Variants in DMD observed in about 807,000 individuals in gnomAD.
DMD encodes the protein dystrophin.
DMD carries 63 observed loss-of-function variants against 330.1 expected under a neutral mutation model. The ratio of observed to expected loss-of-function variants is 0.19; its 90% CI spans 0.16 to 0.24. The LOEUF (loss-of-function observed/expected upper bound fraction) is 0.24. DMD is among the 10% of genes least tolerant of loss of function. The probability of loss-of-function intolerance (pLI) is 1.00; values close to 1 mark genes in which losing one functional copy is unlikely to be tolerated. For synonymous variants in DMD, 1,223 were observed against 959.8 expected (o/e 1.27, Z -5.07); for missense variants, 3,344 against 2,684.1 (o/e 1.25, Z -5.43).
intron 11 of DMD, among the ~76,000 whole-genome samples, chrX:32,634,677 G>A (rs1303560933): frequency 1.8e-5 from 2 of 111,749 alleles, no homozygotes; most frequent in African/African-American, 3.3e-5. Context: ...TCTGCCTGGT[G>A]CCCTATCCTA....
chrX:32,711,136 G>A (rs182796520), intron 7 of DMD, among the ~76,000 whole-genome samples: 447 of 111,478 alleles, frequency 4.0e-3, no homozygotes, highest in Middle Eastern at 0.028. Flanking sequence ...TTGTCCATTT[G>A]CAATTTTAAA....
At chrX:31,457,424 G>A (rs768986229) in intron 59 of DMD, among the ~76,000 whole-genome samples, 13 of 111,673 alleles carry the variant, frequency 1.2e-4, no homozygotes, top group East Asian at 2.8e-4. Context: ...GAAATACAGC[G>A]TAAGATAGAC....
At chrX:33,250,111 A>ATATATATATATATATC (rs2052747894) in intron 1 of DMD, among the ~76,000 whole-genome samples, 1 of 87,358 alleles carries the variant, frequency 1.1e-5, no homozygotes, top group African/African-American at 5.1e-5. Context: ...ATATATATAT[A>ATATATATATATATATC]TCAATGTACA....
At chrX:32,664,212 A>T (rs2061135615) in intron 9 of DMD, among the ~76,000 whole-genome samples, 1 of 105,760 alleles carries the variant, frequency 9.5e-6, no homozygotes, top group Non-Finnish European at 1.9e-5. Context: ...CTGGATATAT[A>T]CCTGGTTAAG....
At chrX:31,659,507 T>C (rs1023214246) in intron 53 of DMD, among the ~76,000 whole-genome samples, 9 of 107,535 alleles carry the variant, frequency 8.4e-5, no homozygotes, top group African/African-American at 3.1e-4. Context: ...GGTGTGCTGG[T>C]AGGCTCCTGT....
At chrX:33,006,180 C>T (rs1289601231) in intron 2 of DMD, among the ~76,000 whole-genome samples, 1 of 111,568 alleles carries the variant, frequency 9.0e-6, no homozygotes, top group Admixed American at 9.6e-5. Context: ...TCAAGTTGAT[C>T]TACAGATTTA....
intron 55 of DMD, among the ~76,000 whole-genome samples, chrX:31,609,806 G>A (rs889621961): frequency 3.6e-5 from 4 of 111,153 alleles, no homozygotes; most frequent in African/African-American, 1.3e-4. Context: ...ACTCTCACAT[G>A]GTAGGTCGAT....
intron 1 of DMD, among the ~76,000 whole-genome samples, chrX:33,062,244 T>C (rs1603183069): frequency 1.8e-5 from 2 of 111,756 alleles, no homozygotes; most frequent in Admixed American, 1.9e-4. Context: ...TGGGAGTCTG[T>C]TTTTCAAGAT....
At chrX:33,001,288 C>G (rs562121744) in intron 2 of DMD, among the ~76,000 whole-genome samples, 1 of 111,854 alleles carries the variant, frequency 8.9e-6, no homozygotes. Flanking sequence ...ATAAAAGACT[C>G]CTGTGTCTCA....
At chrX:31,796,933 C>A (rs1417357719) in intron 50 of DMD, among the ~76,000 whole-genome samples, 1 of 111,346 alleles carries the variant, frequency 9.0e-6, no homozygotes, top group East Asian at 2.8e-4. Context: ...CCCCTTTGCC[C>A]TTCACCATGA....
At chrX:32,659,720 G>A (rs1343281637) in intron 9 of DMD, among the ~76,000 whole-genome samples, 1 of 110,537 alleles carries the variant, frequency 9.0e-6, no homozygotes, top group Non-Finnish European at 1.9e-5. Context: ...TTTTTCCTAA[G>A]AGAATTAGAC....
chrX:32,709,033 C>T (rs1371533919), intron 7 of DMD, among the ~76,000 whole-genome samples: 1 of 111,978 alleles, frequency 8.9e-6, no homozygotes, highest in Non-Finnish European at 1.9e-5. Context: ...ATGAAACACA[C>T]CCAATCAAGA....
At chrX:32,887,754 A>AC (rs1414555103) in intron 2 of DMD, among the ~76,000 whole-genome samples, 1 of 94,080 alleles carries the variant, frequency 1.1e-5, no homozygotes, top group Non-Finnish European at 2.1e-5. Context: ...TCAAAAAAAA[A>AC]AAAAAAAAAA....
At chrX:31,997,202 T>C (rs914873845) in intron 44 of DMD, among the ~76,000 whole-genome samples, 1 of 111,551 alleles carries the variant, frequency 9.0e-6, no homozygotes, top group Non-Finnish European at 1.9e-5. Flanking sequence ...GTATATTCAA[T>C]CTTGAATAAA....
intron 70 of DMD, chrX:31,178,196 C>G: frequency 1.3e-6 from 1 of 753,906 alleles, no homozygotes; most frequent in Non-Finnish European, 1.6e-6. Flanking sequence ...GTGAAGACGT[C>G]CCCTTTGATC....
At chrX:32,866,843 C>T (rs1294003618) in intron 2 of DMD, among the ~76,000 whole-genome samples, 2 of 109,716 alleles carry the variant, frequency 1.8e-5, no homozygotes, top group Non-Finnish European at 3.8e-5. Flanking sequence ...AAGCGATTCT[C>T]CTGCCTCAGC....
intron 55 of DMD, among the ~76,000 whole-genome samples, chrX:31,509,906 G>A (rs987516842): frequency 4.5e-5 from 5 of 111,814 alleles, no homozygotes; most frequent in Admixed American, 1.9e-4. Flanking sequence ...TGTTTAATTC[G>A]TTTATATTAC....
chrX:31,638,060 C>T (rs929984316), intron 54 of DMD, among the ~76,000 whole-genome samples: 27 of 111,576 alleles, frequency 2.4e-4, no homozygotes, highest in African/African-American at 8.1e-4. Context: ...TACTCTTCCA[C>T]GAAAGTTAAC....
At chrX:32,077,670 G>C (rs898899927) in intron 44 of DMD, among the ~76,000 whole-genome samples, 1 of 111,031 alleles carries the variant, frequency 9.0e-6, no homozygotes, top group African/African-American at 3.3e-5. Flanking sequence ...TATAATCTTT[G>C]TATCTATTTT....
Sources: allele counts gnomAD v4.1 joint callset (sites outside exome capture counted in the v4.1 genomes callset), GRCh38; gene constraint gnomAD v4.1.1; transcripts MANE v1.5; gene names NCBI Gene and HGNC (gene_info 2026-07-23, HGNC 2026-07-21).